Variants in WDR17 observed in about 807,000 individuals in gnomAD.
The protein encoded by WDR17 is WD repeat domain 17, also known as WD repeat-containing protein 17.
Under a neutral mutation model 161.7 loss-of-function variants are expected in WDR17, and 143 were observed. The ratio of observed to expected loss-of-function variants is 0.88; its 90% CI spans 0.77 to 1.02. The LOEUF (loss-of-function observed/expected upper bound fraction) is 1.02. Among genes scored for constraint, WDR17 ranks in the 50% least tolerant of loss-of-function variants. WDR17 has a pLI of 0.00. For missense variants in WDR17, 1,469 were observed against 1,520.9 expected, an observed-to-expected ratio of 0.97 and a Z score of 0.57; for synonymous variants, 517 against 515.6, an observed-to-expected ratio of 1.00 and a Z score of -0.04.
At chr4:176,149,553 G>A (rs1057283568) in intron 13 of WDR17, among the ~76,000 whole-genome samples, 9 of 152,004 alleles carry the variant, frequency 5.9e-5, no homozygotes, top group African/African-American at 7.2e-5. Context: ...GATTACAGGC[G>A]TGAGCCACCA....
At chr4:176,149,319 G>C (rs924633383) in intron 13 of WDR17, among the ~76,000 whole-genome samples, 14 of 151,438 alleles carry the variant, frequency 9.2e-5, no homozygotes, top group Admixed American at 9.2e-4. Flanking sequence ...GCCCAGGATG[G>C]TGTACAGTGG....
At chr4:176,105,644 A>G (rs1738595215) in intron 1 of WDR17, among the ~76,000 whole-genome samples, 3 of 152,152 alleles carry the variant, frequency 2.0e-5, no homozygotes, top group African/African-American at 4.8e-5. Context: ...CACAAGGGAA[A>G]GTAGAAAACT....
chr4:176,160,823 A>G (rs753963411), intron 19 of WDR17, 88 bp from the exon 20 acceptor site: 5 of 1,041,284 alleles, frequency 4.8e-6, no homozygotes, highest in Non-Finnish European at 6.8e-6. Flanking sequence ...AACATTATTT[A>G]AGTATACTTT....
chr4:176,095,967 T>C (rs1561089970), intron 1 of WDR17, among the ~76,000 whole-genome samples: 2 of 152,168 alleles, frequency 1.3e-5, no homozygotes. Flanking sequence ...AAATGGTGTC[T>C]TTAAACTTTT....
chr4:176,088,537 A>G (rs914868292), intron 1 of WDR17, among the ~76,000 whole-genome samples: 2 of 152,222 alleles, frequency 1.3e-5, no homozygotes, highest in African/African-American at 4.8e-5. Flanking sequence ...GAAATACTGA[A>G]TCAGAAATAT....
chr4:176,096,675 G>A lies in WDR17; in HGVS notation c.-6-14900G>A, dbSNP rs529017862. ...GTTTTATATCTGTGTCATTTATATC[G>A]TGGACATTTTCGCATTGCAAAGTTC... is the stretch of plus-strand genomic sequence containing the variant. On this transcript the variant is annotated intron_variant, in intron 1 of 28. Coordinates refer to ENST00000508596, the MANE Select transcript of WDR17 (RefSeq NM_181265.4). The A allele has an allele frequency of 1.3e-5, 14 of 1,084,326 alleles. No homozygotes were observed. The East Asian group carries it at 1.4e-4, about 11-fold the overall frequency. 67.2% of individuals were successfully genotyped at this position (1,084,326 alleles called of 1,614,324 possible).
In WDR17 at chr4:176,131,638, C is replaced by A. The variant is rs1464387469; in HGVS notation, c.998C>A (p.Ala333Glu). 1.1e-5 allele frequency: 17 copies of A among 1,613,638 alleles called. No individual in the cohort carries two copies. The Admixed American group carries it at 2.3e-4, about 22-fold the overall frequency. Residue 333 changes from alanine (A) to glutamate (E), a missense_variant, in exon 7 of 29, where the codon GCA becomes GAA. Ala to Glu is a moderately radical substitution (Grantham distance 107). Coordinates refer to ENST00000508596, the MANE Select transcript of WDR17 (RefSeq NM_181265.4). The stretch of plus-strand genomic sequence containing the variant: ...CCCCCAACTTTAACACAGAATCAAG[C>A]ATTTTCTCTTCCTCCTGGTCATGCA... ...VPPPTLTQNQ[A>E]FSLPPGHAVC...
intron 23 of WDR17, among the ~76,000 whole-genome samples, chr4:176,170,913 G>A (rs1750647123): frequency 6.6e-6 from 1 of 152,146 alleles, no homozygotes; most frequent in African/African-American, 2.4e-5. Flanking sequence ...TCAAAAATAC[G>A]TTTAACACAC....
At chr4:176,155,545 G>GTGTTTTTTTTTTTTT (rs1747939051) in intron 17 of WDR17, among the ~76,000 whole-genome samples, 1 of 105,248 alleles carries the variant, frequency 9.5e-6, no homozygotes, top group Non-Finnish European at 1.9e-5. Flanking sequence ...ATTTGTTTGT[G>GTGTTTTTTTTTTTTT]TTTTTTTTTT....
At chr4:176,084,785 T>C (rs962425222) in intron 1 of WDR17, among the ~76,000 whole-genome samples, 1 of 146,888 alleles carries the variant, frequency 6.8e-6, no homozygotes, top group East Asian at 1.9e-4. Flanking sequence ...TATATATATA[T>C]AAAATATATA....
At chr4:176,076,971 C>G (rs1051877966) in intron 1 of WDR17, among the ~76,000 whole-genome samples, 1 of 152,002 alleles carries the variant, frequency 6.6e-6, no homozygotes, top group African/African-American at 2.4e-5. Flanking sequence ...GTCTAGCAGA[C>G]TTTCTATTAT....
In WDR17 at chr4:176,153,016, G is replaced by A. The variant is rs552245618; in HGVS notation, c.2460+1049G>A. ...GATATTAAGTGTAGATGTTAGGAGA[G>A]TAGTTATCAAAGTGTTCCAGGACAG... On this transcript the variant is annotated intron_variant, in intron 17 of 28. Coordinates refer to ENST00000508596, the MANE Select transcript of WDR17 (RefSeq NM_181265.4). Among the ~76,000 whole-genome samples, 9 of 151,636 alleles carry A rather than the reference G, an allele frequency of 5.9e-5. No individual in the cohort carries two copies. The South Asian group carries it at 1.9e-3, about 32-fold the overall frequency.
chr4:176,156,667 G>A (rs1294091685), intron 18 of WDR17, among the ~76,000 whole-genome samples: 2 of 142,204 alleles, frequency 1.4e-5, no homozygotes, highest in African/African-American at 5.2e-5. Flanking sequence ...CTAGTTTCCT[G>A]GGGTTGCCGT....
chr4:176,131,005 C>T (rs1392619515), intron 6 of WDR17, among the ~76,000 whole-genome samples: 3 of 151,616 alleles, frequency 2.0e-5, no homozygotes, highest in East Asian at 3.9e-4. Context: ...AAAAAACAAA[C>T]AAAAAAACAT....
rs550549182 is a variant in WDR17 at position 176,144,155 on chromosome 4, C to T, written c.1530-1840C>T. ...TCCCACCTTACACCACACACCCTACCTGGGTGGGAGATAGATAACTGCTAT... is the reference window on the plus strand; with the variant it reads ...TCCCACCTTACACCACACACCCTACTTGGGTGGGAGATAGATAACTGCTAT... On this transcript the variant is annotated intron_variant, in intron 11 of 28. Transcript: ENST00000508596. Among the ~76,000 whole-genome samples the T allele has an allele frequency of 1.1e-4, 16 of 152,268 alleles. No homozygotes were observed. In the South Asian group the frequency reaches 3.3e-3, roughly 32 times the overall value.
At chr4:176,087,377 C>G (rs918871936) in intron 1 of WDR17, among the ~76,000 whole-genome samples, 4 of 152,062 alleles carry the variant, frequency 2.6e-5, no homozygotes, top group African/African-American at 9.7e-5. Flanking sequence ...ATTCTCACTT[C>G]CATTATTTCT....
At chr4:176,144,516 C>T (rs73003453) in intron 11 of WDR17, among the ~76,000 whole-genome samples, 2,476 of 152,164 alleles carry the variant, frequency 0.016, 78 homozygotes, top group African/African-American at 0.057. Context: ...GTTCCATATT[C>T]CTATTTCTCT....
chr4:176,178,505 A>T (rs542555179), intron 28 of WDR17, among the ~76,000 whole-genome samples: 4 of 152,106 alleles, frequency 2.6e-5, no homozygotes, highest in Non-Finnish European at 5.9e-5. Context: ...AAAAGACACT[A>T]TCTAACCTCT....
At chr4:176,167,237 A>G (rs1403200015) in intron 22 of WDR17, among the ~76,000 whole-genome samples, 1 of 152,196 alleles carries the variant, frequency 6.6e-6, no homozygotes, top group Non-Finnish European at 1.5e-5. Context: ...CACAAAGAAG[A>G]TGAAGTGTAG....
Sources: allele counts gnomAD v4.1 joint callset (sites outside exome capture counted in the v4.1 genomes callset), GRCh38; gene constraint gnomAD v4.1.1; transcripts MANE v1.5; gene names NCBI Gene and HGNC (gene_info 2026-07-23, HGNC 2026-07-21).